ATP10B: variants seen among roughly 807,000 people sequenced by gnomAD.
ATP10B encodes the protein phospholipid-transporting ATPase VB.
Under a neutral mutation model 141.2 loss-of-function variants are expected in ATP10B, and 122 were observed. The observed-to-expected ratio is 0.86, with a 90% CI of 0.75 to 1.00. ATP10B has a LOEUF of 1.00. ATP10B is among the 50% of genes least tolerant of loss of function. ATP10B has a pLI of 0.00. For missense variants in ATP10B, 1,876 were observed against 1,825.3 expected (o/e 1.03, Z -0.51); for synonymous variants, 685 against 692.0 (o/e 0.99, Z 0.16).
intron 3 of ATP10B, among the ~76,000 whole-genome samples, chr5:160,701,846 C>T (rs1764702025): frequency 6.6e-6 from 1 of 151,256 alleles, no homozygotes; most frequent in South Asian, 2.1e-4. Flanking sequence ...TATTCTAATG[C>T]CTCCTGGGAG....
intron 1 of ATP10B, among the ~76,000 whole-genome samples, chr5:160,814,547 T>C (rs1461946084): frequency 4.8e-5 from 7 of 146,982 alleles, no homozygotes; most frequent in Admixed American, 1.4e-4. Context: ...CGGACCCAAG[T>C]AGGAAAACCC....
At chr5:160,724,252 T>G (rs961847740) in intron 2 of ATP10B, among the ~76,000 whole-genome samples, 2 of 61,218 alleles carry the variant, frequency 3.3e-5, no homozygotes, top group Non-Finnish European at 2.9e-5. Flanking sequence ...CTATAATTCC[T>G]TTTTTTTTTT....
At chr5:160,766,976 G>C (rs1027294674) in intron 2 of ATP10B, among the ~76,000 whole-genome samples, 4 of 152,210 alleles carry the variant, frequency 2.6e-5, no homozygotes, top group African/African-American at 9.6e-5. Context: ...TTTCAAGCTT[G>C]GTGGAGAAGT....
chr5:160,887,836 C>G, the ATP10B span, among the ~76,000 whole-genome samples: 1 of 152,158 alleles, frequency 6.6e-6, no homozygotes, highest in East Asian at 1.9e-4. Context: ...CACACTCCAC[C>G]TTATTGCTAC....
chr5:160,726,873 G>C (rs956231628), intron 2 of ATP10B, among the ~76,000 whole-genome samples: 1 of 151,890 alleles, frequency 6.6e-6, no homozygotes, highest in African/African-American at 2.4e-5. Context: ...CCTTTGGAAA[G>C]ACTTATCAGA....
At chr5:160,893,200 C>A in the ATP10B span, among the ~76,000 whole-genome samples, 11 of 152,198 alleles carry the variant, frequency 7.2e-5, no homozygotes, top group East Asian at 1.9e-3. Context: ...GAGACAGAAC[C>A]ATTCACTCCC....
At chr5:160,640,663 C>A in intron 9 of ATP10B, 71 bp from the exon 10 acceptor site, 1 of 1,559,002 alleles carries the variant, frequency 6.4e-7, no homozygotes, top group Non-Finnish European at 8.7e-7. Context: ...TCCCTCAGCT[C>A]TTCTCACAGG....
chr5:160,636,153 T>G, intron 11 of ATP10B, 29 bp downstream of exon 11: 1 of 1,572,618 alleles, frequency 6.4e-7, no homozygotes, highest in African/African-American at 1.4e-5. Flanking sequence ...CATATCTTAT[T>G]GGGCCCCTAG....
intron 1 of ATP10B, among the ~76,000 whole-genome samples, chr5:160,837,190 T>C (rs1045354619): frequency 5.3e-5 from 8 of 152,246 alleles, no homozygotes; most frequent in African/African-American, 1.9e-4. Flanking sequence ...GTGCTTTTTT[T>C]CCCAACTAGA....
intron 1 of ATP10B, among the ~76,000 whole-genome samples, chr5:160,808,277 A>G (rs542236026): frequency 3.7e-4 from 57 of 152,324 alleles, no homozygotes; most frequent in Non-Finnish European, 2.2e-4. Context: ...TGGGGCTTCG[A>G]AACTTTCTAA....
At chr5:160,912,386 G>A in the ATP10B span, among the ~76,000 whole-genome samples, 2 of 143,636 alleles carry the variant, frequency 1.4e-5, no homozygotes, top group Non-Finnish European at 3.0e-5. Flanking sequence ...AGACCAGCCT[G>A]GCCAATATCG....
intron 1 of ATP10B, among the ~76,000 whole-genome samples, chr5:160,793,527 C>T (rs954618966): frequency 1.3e-5 from 2 of 152,164 alleles, no homozygotes; most frequent in African/African-American, 4.8e-5. Flanking sequence ...AACAATGGAT[C>T]GTGTATGCGA....
chr5:160,704,541 T>C (rs1344384880), intron 3 of ATP10B, among the ~76,000 whole-genome samples: 2 of 152,302 alleles, frequency 1.3e-5, no homozygotes, highest in East Asian at 1.9e-4. Flanking sequence ...CCTAGGATTT[T>C]AGGAATGGTA....
chr5:160,650,954 G>A (rs891083466), intron 7 of ATP10B, among the ~76,000 whole-genome samples: 16 of 152,018 alleles, frequency 1.1e-4, no homozygotes, highest in African/African-American at 3.4e-4. Context: ...TCCTTTAATC[G>A]TTTCACCATT....
chr5:160,790,645 G>A (rs1771502586), intron 1 of ATP10B, among the ~76,000 whole-genome samples: 4 of 152,126 alleles, frequency 2.6e-5, no homozygotes, highest in Admixed American at 2.6e-4. Flanking sequence ...ACCTGTAAAT[G>A]AGGAGGACAG....
At chr5:160,583,427 G>T (rs1012235312) in intron 24 of ATP10B, among the ~76,000 whole-genome samples, 4 of 152,136 alleles carry the variant, frequency 2.6e-5, no homozygotes, top group African/African-American at 9.6e-5. Flanking sequence ...ATTGCTGCCT[G>T]TTCCTTCTTC....
At chr5:160,888,274 G>T in the ATP10B span, among the ~76,000 whole-genome samples, 1 of 152,100 alleles carries the variant, frequency 6.6e-6, no homozygotes, top group Non-Finnish European at 1.5e-5. Context: ...TGGGAAAAGA[G>T]TATCAGCACC....
At chr5:160,817,592 T>A (rs535469281) in intron 1 of ATP10B, among the ~76,000 whole-genome samples, 1 of 152,094 alleles carries the variant, frequency 6.6e-6, no homozygotes, top group African/African-American at 2.4e-5. Context: ...TTTAAAGATT[T>A]TATGCCATCC....
rs537130037 is a variant in ATP10B at position 160,708,135 on chromosome 5, C to T, written c.-205+8774G>A. On this transcript the variant is annotated intron_variant, in intron 3 of 25. Coordinates refer to ENST00000327245, the MANE Select transcript of ATP10B (RefSeq NM_025153.3). ...GAGGCCACTGAGGCAGATCCACTGA[C>T]GTTCCCTGGTGTCCAGGGAGGTTGA... is the stretch of plus-strand genomic sequence containing the variant. 1.9e-4 allele frequency among the ~76,000 whole-genome samples: 29 copies of T among 152,280 alleles called. 1 individual carries two copies. In the East Asian group the frequency reaches 3.5e-3, roughly 18 times the overall value.
Sources: allele counts gnomAD v4.1 joint callset (sites outside exome capture counted in the v4.1 genomes callset), GRCh38; gene constraint gnomAD v4.1.1; transcripts MANE v1.5; gene names NCBI Gene and HGNC (gene_info 2026-07-23, HGNC 2026-07-21).